Variants in SCYL1 observed in about 807,000 individuals in gnomAD.
The protein encoded by SCYL1 is SCY1 like pseudokinase 1, also known as N-terminal kinase-like protein.
SCYL1 carries 85 observed loss-of-function variants against 94.8 expected under a neutral mutation model. The observed-to-expected ratio is 0.90, with a 90% CI of 0.75 to 1.07. The LOEUF (loss-of-function observed/expected upper bound fraction) is 1.07. Ranked by LOEUF, SCYL1 falls within the 50% of genes least tolerant of loss-of-function variation. The pLI is 0.00. For missense variants in SCYL1, 968 were observed against 1,083.3 expected (o/e 0.89, Z 1.49); for synonymous variants, 459 against 435.5 (o/e 1.05, Z -0.67).
intron 6 of SCYL1, among the ~76,000 whole-genome samples, chr11:65,528,180 C>T (rs933749124): frequency 3.9e-5 from 6 of 152,146 alleles, no homozygotes; most frequent in South Asian, 2.1e-4. Context: ...CAGTGGCTCA[C>T]GCCTGTAATC....
chr11:65,529,384 G>A (rs1363035960), intron 6 of SCYL1, among the ~76,000 whole-genome samples: 3 of 152,210 alleles, frequency 2.0e-5, no homozygotes, highest in African/African-American at 7.2e-5. Context: ...TAGGGTTTCG[G>A]GAGCCTCCAG....
intron 15 of SCYL1, 34 bp downstream of exon 15, chr11:65,537,914 G>A: frequency 6.3e-7 from 1 of 1,582,576 alleles, no homozygotes; most frequent in African/African-American, 1.3e-5. Flanking sequence ...TGTGTGTATG[G>A]GGCTCTTTCC....
chr11:65,537,389 C>T (rs570886646), intron 14 of SCYL1, among the ~76,000 whole-genome samples: 15 of 152,318 alleles, frequency 9.8e-5, no homozygotes, highest in Non-Finnish European at 2.1e-4. Context: ...CACACCGTCC[C>T]CCTTTCCCCT....
intron 9 of SCYL1, chr11:65,533,114 A>G: frequency 3.0e-6 from 1 of 337,184 alleles, no homozygotes; most frequent in Non-Finnish European, 5.7e-6. Flanking sequence ...CAGACAATAC[A>G]ACAGAATTAG....
chr11:65,533,785 T>C (rs1855510914), intron 9 of SCYL1, among the ~76,000 whole-genome samples: 1 of 144,370 alleles, frequency 6.9e-6, no homozygotes, highest in Non-Finnish European at 1.5e-5. Context: ...ATCTCAAAAT[T>C]TAAGAAATTA....
intron 6 of SCYL1, among the ~76,000 whole-genome samples, chr11:65,528,146 A>AT (rs1425794723): frequency 1.3e-5 from 2 of 152,204 alleles, no homozygotes; most frequent in Non-Finnish European, 2.9e-5. Flanking sequence ...AGAAAACATA[A>AT]AAACCATAAA....
chr11:65,532,805 G>C lies in SCYL1; in HGVS notation c.1230G>C (p.Lys410Asn), dbSNP rs1855452531. 8.1e-6 allele frequency: 13 copies of C among 1,612,708 alleles called. No homozygotes were observed. The highest frequency in any genetic ancestry group is 1.1e-5 in the Non-Finnish European group (13 of 1,178,762). The change falls in exon 9 of 18, where the codon AAG (lysine) becomes AAC (asparagine). Residue 410 changes from lysine (K) to asparagine (N), a missense_variant and splice_region_variant. Coordinates refer to ENST00000270176, the MANE Select transcript of SCYL1 (RefSeq NM_020680.4). Reference protein sequence around the residue: ...TNPAIREQTVKSMLLLAPKLN... With the variant: ...TNPAIREQTVNSMLLLAPKLN... ...CTGCCATCCGGGAGCAGACGGTCAA[G>C]GTGGGTGTGGCCAGGCCCAGAGTGG...
At position 65,538,147 on chromosome 11, in the gene SCYL1, C is replaced by A; in HGVS notation, c.2212C>A (p.Pro738Thr). Residue 738 changes from proline (P) to threonine (T), a missense_variant, in exon 16 of 18, where the codon CCC (proline) becomes ACC (threonine). Physicochemically the swap from Pro to Thr is conservative, Grantham distance 38 (BLOSUM62 -1). Coordinates refer to ENST00000270176, the MANE Select transcript of SCYL1 (RefSeq NM_020680.4). ...CCCAGAGTCCAGCGACAAGGGCGAC[C>A]CCTTCGCTACCCTGTCTGCACGTCC... Reference protein sequence around the residue: ...GGPESSDKGDPFATLSARPST... With the variant: ...GGPESSDKGDTFATLSARPST... 6.3e-7 allele frequency: 1 copy of A among 1,596,350 alleles called. No homozygotes were observed. The highest frequency in any genetic ancestry group is 8.5e-7 in the Non-Finnish European group (1 of 1,171,778).
intron 9 of SCYL1, among the ~76,000 whole-genome samples, chr11:65,534,101 G>A (rs1855528326): frequency 6.6e-6 from 1 of 151,512 alleles, no homozygotes; most frequent in Non-Finnish European, 1.5e-5. Context: ...CATGGTGGTG[G>A]GCGCCTGTGG....
chr11:65,533,605 C>G (rs1386686340), intron 9 of SCYL1, among the ~76,000 whole-genome samples: 2 of 148,784 alleles, frequency 1.3e-5, no homozygotes, highest in African/African-American at 5.0e-5. Context: ...ATGGCCAAAC[C>G]CCATCTCTAC....
At position 65,529,563 on chromosome 11, in the gene SCYL1, G is replaced by A. The variant is rs563884905; in HGVS notation, c.850-1066G>A. 4.3e-4 allele frequency among the ~76,000 whole-genome samples: 66 copies of A among 152,334 alleles called. No homozygotes were observed. In the South Asian group the frequency reaches 0.012, roughly 28 times the overall value. ...TCAGAGCACCAAGCCGGCCTCCCACGCTGGTCTGAGCTGCTCAAGGGCCAT... is the reference window on the plus strand; with the variant it reads ...TCAGAGCACCAAGCCGGCCTCCCACACTGGTCTGAGCTGCTCAAGGGCCAT... On this transcript the variant is annotated intron_variant, in intron 6 of 17. Transcript: ENST00000270176.
Position 65,535,004 on chromosome 11 carries a change from A to G in SCYL1, c.1231-223A>G, listed in dbSNP as rs937441367. ...CCATCAGGAGAGCAGAGCAGAGGAA[A>G]TGGGAAACAGGAGTGCAGACAGACT... On this transcript the variant is annotated intron_variant, in intron 9 of 17. Coordinates refer to ENST00000270176, the MANE Select transcript of SCYL1 (RefSeq NM_020680.4). 9.2e-4 allele frequency: 529 copies of G among 576,642 alleles called. 4 individuals are homozygous for G. The highest frequency in any genetic ancestry group is 1.6e-3 in the Admixed American group (52 of 32,974). 35.7% of individuals were successfully genotyped at this position (576,642 alleles called of 1,614,324 possible).
chr11:65,525,192 G>T lies in SCYL1; in HGVS notation c.39G>T (p.Pro13=). 2 of 1,453,622 alleles carry T rather than the reference G, an allele frequency of 1.4e-6. No homozygotes were observed. Among genetic ancestry groups the T allele is most frequent in the Non-Finnish European group, 1.8e-6 (2 of 1,098,660 alleles). The allele number at this position is 1,453,622 out of a possible 1,614,324, so 90.0% of individuals were successfully genotyped here. ...CCCGGGACCCGGTCCGGGACTTTCC[G>T]TTCGAGCTCATCCCGGAGCCCCCAG... The part of the protein sequence containing the change: ...FFARDPVRDF[P]FELIPEPPEG... Residue 13 remains proline (P), a synonymous_variant, in exon 1 of 18, where the codon CCG becomes CCT. Transcript: ENST00000270176.
intron 9 of SCYL1, chr11:65,533,216 G>A (rs1855475110): frequency 5.0e-6 from 1 of 199,040 alleles, no homozygotes; most frequent in Non-Finnish European, 1.1e-5. Context: ...GAGGTCAGGA[G>A]TTCGAGACCA....
Position 65,526,834 on chromosome 11 carries a change from G to T in SCYL1, c.654G>T (p.Gly218=), listed in dbSNP as rs762768087. The T allele has an allele frequency of 6.2e-7, 1 of 1,613,260 alleles. No individual in the cohort carries two copies. The highest frequency in any genetic ancestry group is 2.2e-5 in the East Asian group (1 of 44,878). ...GCCTCATTTGGGAAGTCTTCAATGG[G>T]CCCCTACCTCGGGCAGCAGCCCTAC... ...LGCLIWEVFN[G]PLPRAAALRN... The change falls in exon 5 of 18, where the codon GGG becomes GGT. Residue 218 remains glycine, a synonymous_variant. Coordinates refer to ENST00000270176, the MANE Select transcript of SCYL1 (RefSeq NM_020680.4). The surrounding 1 kb of genome is among the most constrained non-coding windows in gnomAD (Gnocchi z 4.1).
In SCYL1 at chr11:65,537,105, G is replaced by A. The variant is rs775310881; in HGVS notation, c.1936G>A (p.Asp646Asn). Residue 646 changes from aspartate to asparagine, a missense_variant, in exon 14 of 18, where the codon GAC becomes AAC. This residue lies in a region of SCYL1 where 474 missense variants were observed against 463.6 expected (regional missense o/e 1.02). Coordinates refer to ENST00000270176, the MANE Select transcript of SCYL1 (RefSeq NM_020680.4). ...EDSSTADRWD[D>N]EDWGSLEQEA... ...CAGCAGCACTGCTGACAGATGGGAC[G>A]ACGAAGACTGGGGCAGCCTGGAGGT... 6.8e-6 allele frequency: 11 copies of A among 1,614,048 alleles called. No individual in the cohort carries two copies. The highest frequency in any genetic ancestry group is 5.3e-5 in the African/African-American group (4 of 74,906).
chr11:65,536,677 C>T lies in SCYL1; in HGVS notation c.1743C>T (p.Thr581=), dbSNP rs768702315. The T allele has an allele frequency of 6.8e-6, 11 of 1,613,948 alleles. No individual in the cohort carries two copies. Among genetic ancestry groups the T allele is most frequent in the Non-Finnish European group, 9.3e-6 (11 of 1,179,936 alleles). The part of the protein sequence containing the change: ...GWAVTGVSSL[T]SKLIRSHPTT... ...CCGTGACCGGGGTCTCCTCACTCAC[C>T]TCCAAGCTGATCCGTTCGCACCCAA... Residue 581 remains threonine (T), a synonymous_variant, in exon 13 of 18, where the codon ACC becomes ACT. Coordinates refer to ENST00000270176, the MANE Select transcript of SCYL1 (RefSeq NM_020680.4).
rs202171988 is a variant in SCYL1, at chr11:65,538,135, G to A, written c.2200G>A (p.Asp734Asn). ...EYNWGGPESS[D>N]KGDPFATLSA... ...TAACTGGGGTGGCCCAGAGTCCAGC[G>A]ACAAGGGCGACCCCTTCGCTACCCT... The change falls in exon 16 of 18, where the codon GAC (aspartate) becomes AAC (asparagine). Residue 734 changes from aspartate (D) to asparagine (N), a missense_variant. By Grantham distance (23) the Asp-to-Asn change is conservative (BLOSUM62 1). This residue lies in a region of SCYL1 where 474 missense variants were observed against 463.6 expected (regional missense o/e 1.02). Coordinates refer to ENST00000270176, the MANE Select transcript of SCYL1 (RefSeq NM_020680.4). The A allele has an allele frequency of 3.4e-4, 549 of 1,600,990 alleles. No homozygotes were observed. Among genetic ancestry groups the A allele is most frequent in the Non-Finnish European group, 4.3e-4 (510 of 1,174,256 alleles).
Position 65,538,069 on chromosome 11 carries a change from C to G in SCYL1, c.2134C>G (p.Gln712Glu), listed in dbSNP as rs767667165. The part of the protein sequence containing the change: ...WEQGWQEPSS[Q>E]EPPPDGTRLA... ...ACAGGGCTGGCAGGAGCCAAGCTCC[C>G]AGGAGCCACCTCCTGACGGTACACG... The change falls in exon 16 of 18, where the codon CAG (glutamine) becomes GAG (glutamate). Residue 712 changes from glutamine (Q) to glutamate (E), a missense_variant. Gln to Glu is a conservative substitution (Grantham distance 29). Coordinates refer to ENST00000270176, the MANE Select transcript of SCYL1 (RefSeq NM_020680.4). 3 of 1,608,434 alleles carry G rather than the reference C, an allele frequency of 1.9e-6. No individual in the cohort carries two copies. In the East Asian group the frequency reaches 6.7e-5, roughly 36 times the overall value.
Sources: allele counts gnomAD v4.1 joint callset (sites outside exome capture counted in the v4.1 genomes callset), GRCh38; gene constraint gnomAD v4.1.1; regional missense constraint gnomAD v4.1.1; non-coding constraint Gnocchi (gnomAD v3.1); transcripts MANE v1.5; gene names NCBI Gene and HGNC (gene_info 2026-07-23, HGNC 2026-07-21).